The following YTHDC1 variants were observed in gnomAD, a reference collection of about 807,000 sequenced individuals.
YTHDC1 encodes the protein YTH domain-containing protein 1.
In YTHDC1, 12 loss-of-function variants were observed where a neutral mutation model predicts 107.0. The observed-to-expected ratio is 0.11, with a 90% CI of 0.07 to 0.18. The LOEUF (loss-of-function observed/expected upper bound fraction) is 0.18. Ranked by LOEUF, YTHDC1 falls within the 10% of genes least tolerant of loss-of-function variation. The pLI, the probability that YTHDC1 is intolerant of heterozygous loss-of-function variation, is 1.00. For missense variants in YTHDC1, 635 were observed against 898.8 expected (o/e 0.71, Z 3.75); for synonymous variants, 280 against 289.5 (o/e 0.97, Z 0.33).
intron 1 of YTHDC1, 51 bp downstream of exon 1, chr4:68,349,675 C>A (rs761012568): frequency 1.5e-6 from 2 of 1,353,952 alleles, no homozygotes; most frequent in Non-Finnish European, 2.0e-6. Flanking sequence ...TCCATCACCC[C>A]ACTCCCGGGC....
In YTHDC1 at chr4:68,313,941, T is replaced by C. The variant is rs960421078; in HGVS notation, c.*158A>G. 8.9e-6 allele frequency: 7 copies of C among 782,342 alleles called. No homozygotes were observed. The highest frequency in any genetic ancestry group is 1.4e-5 in the Non-Finnish European group (7 of 487,806). 48.5% of individuals were successfully genotyped at this position (782,342 alleles called of 1,614,324 possible). On this transcript the variant is annotated 3_prime_UTR_variant, in exon 17 of 17. Transcript: ENST00000344157. ...ATTTGAGTTTTTCCAGTTCTTATGA[T>C]ACTGCATGCTTGGAACAAAGGGGGT...
At chr4:68,348,131 C>T (rs1386849099) in intron 1 of YTHDC1, among the ~76,000 whole-genome samples, 1 of 152,204 alleles carries the variant, frequency 6.6e-6, no homozygotes, top group African/African-American at 2.4e-5. Context: ...ATTATCATCA[C>T]TAAATCATTT....
intron 1 of YTHDC1, 49 bp downstream of exon 1, chr4:68,349,677 C>T (rs368627426): frequency 1.5e-6 from 2 of 1,372,576 alleles, no homozygotes. Flanking sequence ...CATCACCCCA[C>T]TCCCGGGCCC....
chr4:68,347,729 G>GT (rs1725608072), intron 1 of YTHDC1, among the ~76,000 whole-genome samples: 3 of 152,154 alleles, frequency 2.0e-5, no homozygotes, highest in Admixed American at 2.0e-4. Flanking sequence ...CCTGTTTCAT[G>GT]TAAGACAATA....
At position 68,337,221 on chromosome 4, in the gene YTHDC1, T is replaced by C; in HGVS notation, c.689A>G (p.Glu230Gly). The change falls in exon 4 of 17, where the codon GAG becomes GGG. Residue 230 changes from glutamate to glycine, a missense_variant. Transcript: ENST00000344157. ...CTCCTCCTCCTCTTCCTCCTCCTCC[T>C]CTCCATCTTCATCCACCTCTTCATC... Reference protein sequence around the residue: ...EEDEEVDEDGEEEEEEEEEEE... With the variant: ...EEDEEVDEDGGEEEEEEEEEE... 4.4e-6 allele frequency: 7 copies of C among 1,597,512 alleles called. No homozygotes were observed. Among genetic ancestry groups the C allele is most frequent in the Non-Finnish European group, 6.0e-6 (7 of 1,166,124 alleles).
At chr4:68,317,962 T>A (rs1473893678) in intron 15 of YTHDC1, among the ~76,000 whole-genome samples, 1 of 152,194 alleles carries the variant, frequency 6.6e-6, no homozygotes, top group Non-Finnish European at 1.5e-5. Flanking sequence ...GAAATATATC[T>A]GAACCCAAGC....
chr4:68,331,544 T>C (rs1340641589), intron 7 of YTHDC1, among the ~76,000 whole-genome samples: 1 of 152,132 alleles, frequency 6.6e-6, no homozygotes, highest in African/African-American at 2.4e-5. Context: ...AAATGTATTT[T>C]TGTAGCCAAA....
intron 6 of YTHDC1, 58 bp from the exon 7 acceptor site, chr4:68,332,255 C>T: frequency 1.8e-6 from 2 of 1,142,724 alleles, no homozygotes; most frequent in Non-Finnish European, 2.5e-6. Flanking sequence ...ACAAAGGGGT[C>T]AAAACTGTAC....
At position 68,314,041 on chromosome 4, in the gene YTHDC1, C is replaced by T; in HGVS notation, c.*58G>A. 7.6e-7 allele frequency: 1 copy of T among 1,323,120 alleles called. No individual in the cohort carries two copies. The highest frequency in any genetic ancestry group is 1.0e-6 in the Non-Finnish European group (1 of 964,714). The allele number at this position is 1,323,120 out of a possible 1,614,324, so 82.0% of individuals were successfully genotyped here. On this transcript the variant is annotated 3_prime_UTR_variant, in exon 17 of 17. Coordinates refer to ENST00000344157, the MANE Select transcript of YTHDC1 (RefSeq NM_001031732.4). Reference sequence around the variant, plus strand: ...TAAATTTACTACTTGTAAACACACACAAAAAAAAAATACAAGATTTTTTGT... The same window carrying T: ...TAAATTTACTACTTGTAAACACACATAAAAAAAAAATACAAGATTTTTTGT...
intron 4 of YTHDC1, among the ~76,000 whole-genome samples, chr4:68,335,310 A>G (rs186503867): frequency 3.9e-4 from 59 of 152,278 alleles, no homozygotes; most frequent in Admixed American, 2.0e-3. Flanking sequence ...TTTCCTGCAT[A>G]TTAATATAGT....
intron 15 of YTHDC1, 149 bp from the exon 16 acceptor site, chr4:68,316,597 G>T: frequency 3.5e-6 from 3 of 861,732 alleles, no homozygotes; most frequent in South Asian, 2.5e-5. Context: ...TTCAAAATAT[G>T]CTTTTTGTCG....
In YTHDC1 at chr4:68,311,784, ATAACT is replaced by A. The variant is rs1560464042; in HGVS notation, c.*2310_*2314del. On this transcript the variant is annotated 3_prime_UTR_variant, in exon 17 of 17. Transcript: ENST00000344157. ...CAATACTAAGCTCAACATACAAAGCATAACTTAACATCTAATTGGATGGCACTTTA... is the reference window on the plus strand; with the variant it reads ...CAATACTAAGCTCAACATACAAAGCATAACATCTAATTGGATGGCACTTTA... 1 of 152,236 alleles carries A rather than the reference ATAACT, an allele frequency of 6.6e-6. No homozygotes were observed. Among genetic ancestry groups the A allele is most frequent in the Non-Finnish European group, 1.5e-5 (1 of 68,042 alleles). The allele number at this position is 152,236 out of a possible 1,614,324, so 9.4% of individuals were successfully genotyped here.
chr4:68,324,013 A>C (rs1722711418), intron 10 of YTHDC1, 126 bp downstream of exon 10: 1 of 776,256 alleles, frequency 1.3e-6, no homozygotes, highest in Non-Finnish European at 2.1e-6. Context: ...ACTTCAGATA[A>C]GATTATTTTT....
chr4:68,315,073 T>A (rs900126458), intron 16 of YTHDC1, among the ~76,000 whole-genome samples: 1 of 152,170 alleles, frequency 6.6e-6, no homozygotes, highest in Non-Finnish European at 1.5e-5. Context: ...AGGATATAGT[T>A]GAGGAAAACA....
chr4:68,346,096 T>C (rs984254340), intron 1 of YTHDC1, among the ~76,000 whole-genome samples: 5 of 140,382 alleles, frequency 3.6e-5, no homozygotes, highest in African/African-American at 1.4e-4. Flanking sequence ...TATATATATA[T>C]ATATACACAC....
At position 68,314,255 on chromosome 4, in the gene YTHDC1, A is replaced by G. The variant is rs1721571984; in HGVS notation, c.2028T>C (p.Ser676=). The G allele has an allele frequency of 1.2e-6, 2 of 1,613,962 alleles. No homozygotes were observed. The change falls in exon 17 of 17, where the codon AGT becomes AGC. Residue 676 remains serine (S), a synonymous_variant. Transcript: ENST00000344157. ...RTQAVVSGRR[S]RPRERDRERE... ...GTTCCCGGTCTCTTTCACGGGGTCT[A>G]CTTCTCCGGCCACTGACAACAGCTT...
At chr4:68,315,468 C>T (rs1721754344) in intron 16 of YTHDC1, among the ~76,000 whole-genome samples, 1 of 152,144 alleles carries the variant, frequency 6.6e-6, no homozygotes, top group Non-Finnish European at 1.5e-5. Flanking sequence ...ACTCATCAAC[C>T]TAAGTAGGGA....
chr4:68,317,495 T>C (rs1273139070), intron 15 of YTHDC1, among the ~76,000 whole-genome samples: 1 of 152,154 alleles, frequency 6.6e-6, no homozygotes, highest in East Asian at 1.9e-4. Context: ...AAGAAAACAG[T>C]AGAAGCTACT....
chr4:68,336,083 G>C (rs1362940505), intron 4 of YTHDC1, among the ~76,000 whole-genome samples: 1 of 148,710 alleles, frequency 6.7e-6, no homozygotes, highest in East Asian at 2.0e-4. Flanking sequence ...ATCTTCTAGT[G>C]ATTGGCAACT....
Sources: allele counts gnomAD v4.1 joint callset (sites outside exome capture counted in the v4.1 genomes callset), GRCh38; gene constraint gnomAD v4.1.1; transcripts MANE v1.5; gene names NCBI Gene and HGNC (gene_info 2026-07-23, HGNC 2026-07-21).